Variants in NAALADL2 observed in about 807,000 individuals in gnomAD.
NAALADL2 encodes the protein N-acetylated alpha-linked acidic dipeptidase like 2.
NAALADL2 carries 76 observed loss-of-function variants against 87.2 expected under a neutral mutation model. That is an observed-to-expected ratio of 0.87 (90% CI 0.72 to 1.05). The LOEUF (loss-of-function observed/expected upper bound fraction) is 1.05. Ranked by LOEUF, NAALADL2 falls within the 50% of genes least tolerant of loss-of-function variation. The pLI, the probability that NAALADL2 is intolerant of heterozygous loss-of-function variation, is 0.00. For missense variants in NAALADL2, 1,089 were observed against 945.8 expected, an observed-to-expected ratio of 1.15 and a Z score of -1.99; for synonymous variants, 354 against 331.0, an observed-to-expected ratio of 1.07 and a Z score of -0.75.
At chr3:175,429,346 A>G (rs777575192) in intron 5 of NAALADL2, among the ~76,000 whole-genome samples, 1 of 151,964 alleles carries the variant, frequency 6.6e-6, no homozygotes, top group African/African-American at 2.4e-5. Flanking sequence ...CATGCTATAA[A>G]TGCTGTATAT....
In NAALADL2 at chr3:174,794,981, C is replaced by CTTTTTTTT. The variant is rs772447340; in HGVS notation, c.-9+57255_-9+57262dup. ...TTAAAAGTTGAAACTTCTAGTCCAG[C>CTTTTTTTT]TTTTTTTTTTTTTTTTTTTTTTTTT... On this transcript the variant is annotated intron_variant, in intron 3 of 3. Transcript: ENST00000434257. Among the ~76,000 whole-genome samples the CTTTTTTTT allele has an allele frequency of 7.2e-3, 482 of 66,708 alleles. 78 individuals carry two copies. The highest frequency in any genetic ancestry group is 8.1e-3 in the Non-Finnish European group (294 of 36,340). 43.8% of individuals were successfully genotyped at this position (66,708 alleles called of 152,430 possible). A position where few individuals can be genotyped will look rare whatever the true frequency, so the allele number is the denominator to read the frequency against.
chr3:175,688,399 C>T (rs139399376), intron 11 of NAALADL2, among the ~76,000 whole-genome samples: 1 of 152,180 alleles, frequency 6.6e-6, no homozygotes, highest in Non-Finnish European at 1.5e-5. Context: ...ATCAGGAGCT[C>T]AGGTGAGCTG....
intron 1 of NAALADL2, among the ~76,000 whole-genome samples, chr3:174,983,699 A>G (rs1745438233): frequency 6.6e-6 from 1 of 152,076 alleles, no homozygotes; most frequent in African/African-American, 2.4e-5. Context: ...TGATATAATC[A>G]TCTCCCAAAG....
chr3:175,736,853 A>G lies in NAALADL2; in HGVS notation c.1897-453A>G, dbSNP rs141416860. Among the ~76,000 whole-genome samples the G allele has an allele frequency of 1.4e-3, 220 of 152,356 alleles. 4 individuals carry two copies. The highest frequency in any genetic ancestry group is 4.9e-3 in the African/African-American group (204 of 41,578). ...CTGTTTACTTTCAAAGTAAACTGCC[A>G]AATGTGGCCTGTAGGTTATCAAATA... On this transcript the variant is annotated intron_variant, in intron 11 of 13. Coordinates refer to ENST00000454872, the MANE Select transcript of NAALADL2 (RefSeq NM_207015.3).
At chr3:175,757,261 T>C (rs1747394802) in intron 13 of NAALADL2, among the ~76,000 whole-genome samples, 1 of 151,936 alleles carries the variant, frequency 6.6e-6, no homozygotes, top group African/African-American at 2.4e-5. Context: ...TAATTACATA[T>C]AAGAAAAAGG....
chr3:175,394,930 GA>G (rs1769573035), intron 5 of NAALADL2, among the ~76,000 whole-genome samples: 1 of 151,918 alleles, frequency 6.6e-6, no homozygotes, highest in South Asian at 2.1e-4. Flanking sequence ...CTCAGCATGT[GA>G]TTTTTTTTTT....
chr3:174,617,060 T>C (rs1413036193), intron 2 of NAALADL2, among the ~76,000 whole-genome samples: 1 of 151,796 alleles, frequency 6.6e-6, no homozygotes, highest in Non-Finnish European at 1.5e-5. Flanking sequence ...GTTAACTTTG[T>C]ATGGGTATTA....
chr3:175,145,038 CT>C (rs958911903), intron 2 of NAALADL2, among the ~76,000 whole-genome samples: 1 of 151,802 alleles, frequency 6.6e-6, no homozygotes, highest in African/African-American at 2.4e-5. Context: ...TGATGTATTG[CT>C]TTTTCACACT....
intron 2 of NAALADL2, among the ~76,000 whole-genome samples, chr3:174,551,870 G>T (rs374115427): frequency 2.6e-4 from 39 of 152,128 alleles, no homozygotes; most frequent in African/African-American, 8.9e-4. Context: ...ATTTTGAAAG[G>T]CTGATGTGGT....
rs552747830 is a variant in NAALADL2 at position 175,708,265 on chromosome 3, G to A, written c.1897-29041G>A. ...TCCTGAAAAGTTGTGAGCAATGAGG[G>A]CATATTATTAGACTTGCATTTTGAA... On this transcript the variant is annotated intron_variant, in intron 11 of 13. Coordinates refer to ENST00000454872, the MANE Select transcript of NAALADL2 (RefSeq NM_207015.3). 5.9e-5 allele frequency among the ~76,000 whole-genome samples: 9 copies of A among 152,166 alleles called. No homozygotes were observed. In the South Asian group the frequency reaches 1.7e-3, roughly 28 times the overall value.
intron 4 of NAALADL2, among the ~76,000 whole-genome samples, chr3:175,268,631 T>C (rs1404260318): frequency 6.6e-6 from 1 of 152,140 alleles, no homozygotes; most frequent in Non-Finnish European, 1.5e-5. Flanking sequence ...TTAAAACGCA[T>C]TGCACACCTG....
At chr3:175,525,712 A>G (rs1733306928) in intron 9 of NAALADL2, among the ~76,000 whole-genome samples, 1 of 152,122 alleles carries the variant, frequency 6.6e-6, no homozygotes, top group African/African-American at 2.4e-5. Context: ...TGGGATTATT[A>G]TATAAATGTT....
intron 3 of NAALADL2, among the ~76,000 whole-genome samples, chr3:175,252,331 AG>A (rs1749201122): frequency 6.6e-6 from 1 of 152,146 alleles, no homozygotes; most frequent in Non-Finnish European, 1.5e-5. Context: ...TATATGTGTT[AG>A]GGTTATCTGT....
At chr3:174,951,474 T>C (rs1484599165) in intron 1 of NAALADL2, among the ~76,000 whole-genome samples, 1 of 151,936 alleles carries the variant, frequency 6.6e-6, no homozygotes, top group East Asian at 1.9e-4. Flanking sequence ...TATAGAGAGG[T>C]TATGCTTGAA....
chr3:174,906,212 TAATG>T (rs889739696), intron 1 of NAALADL2, among the ~76,000 whole-genome samples: 38 of 152,218 alleles, frequency 2.5e-4, no homozygotes, highest in African/African-American at 8.2e-4. Context: ...TTTCTTGAAA[TAATG>T]AATCTTTTTA....
intron 6 of NAALADL2, among the ~76,000 whole-genome samples, chr3:175,450,588 A>G (rs1437836252): frequency 1.3e-5 from 2 of 152,226 alleles, no homozygotes; most frequent in Non-Finnish European, 2.9e-5. Flanking sequence ...AAAGTGAGTC[A>G]TTGTTCAAAT....
intron 11 of NAALADL2, chr3:175,718,385 C>G: frequency 6.3e-7 from 1 of 1,594,056 alleles, no homozygotes; most frequent in Non-Finnish European, 8.6e-7. Context: ...TCCATTAGAA[C>G]TATTTACTCC....
At chr3:175,721,530 C>T (rs944685542) in intron 11 of NAALADL2, among the ~76,000 whole-genome samples, 4 of 152,002 alleles carry the variant, frequency 2.6e-5, no homozygotes, top group Non-Finnish European at 4.4e-5. Context: ...TGAGGCAAAG[C>T]TCAAACTTGG....
intron 9 of NAALADL2, among the ~76,000 whole-genome samples, chr3:175,526,577 G>C (rs1733443401): frequency 6.6e-6 from 1 of 151,330 alleles, no homozygotes; most frequent in Non-Finnish European, 1.5e-5. Flanking sequence ...GTTATTTCAG[G>C]TTATCTAAGC....
Sources: allele counts gnomAD v4.1 joint callset (sites outside exome capture counted in the v4.1 genomes callset), GRCh38; gene constraint gnomAD v4.1.1; transcripts MANE v1.5; gene names NCBI Gene and HGNC (gene_info 2026-07-23, HGNC 2026-07-21).